Variants in CEP83 observed in about 807,000 individuals in gnomAD.
The protein encoded by CEP83 is centrosomal protein of 83 kDa.
CEP83 carries 70 observed loss-of-function variants against 101.9 expected under a neutral mutation model. The ratio of observed to expected loss-of-function variants is 0.69; its 90% CI spans 0.57 to 0.84. The LOEUF (loss-of-function observed/expected upper bound fraction) is 0.84, where lower values mean the gene tolerates loss of function less well. Ranked by LOEUF, CEP83 falls within the 40% of genes least tolerant of loss-of-function variation. CEP83 has a pLI of 0.00. For synonymous variants in CEP83, 264 were observed against 267.9 expected, an observed-to-expected ratio of 0.99 and a Z score of 0.14; for missense variants, 715 against 787.2, an observed-to-expected ratio of 0.91 and a Z score of 1.10.
chr12:94,394,566 C>G (rs994206127), intron 6 of CEP83, among the ~76,000 whole-genome samples: 5 of 152,130 alleles, frequency 3.3e-5, no homozygotes, highest in African/African-American at 1.2e-4. Flanking sequence ...TAGGCATGGG[C>G]AAGGACTTCA....
intron 11 of CEP83, among the ~76,000 whole-genome samples, chr12:94,348,281 G>C (rs1007059316): frequency 6.6e-6 from 1 of 152,054 alleles, no homozygotes; most frequent in Non-Finnish European, 1.5e-5. Context: ...GCCGTCAGAA[G>C]TTGACAATGA....
At chr12:94,283,538 T>A in the CEP83 span, among the ~76,000 whole-genome samples, 1 of 152,200 alleles carries the variant, frequency 6.6e-6, no homozygotes, top group Non-Finnish European at 1.5e-5. Context: ...ATAAAGTAAT[T>A]TGGCTGTACG....
At chr12:94,326,264 A>G (rs188132393) in intron 14 of CEP83, among the ~76,000 whole-genome samples, 31 of 152,230 alleles carry the variant, frequency 2.0e-4, no homozygotes, top group African/African-American at 7.5e-4. Flanking sequence ...CATTTCTCCC[A>G]TTTGGCTATT....
At chr12:94,381,210 GC>G (rs2061832578) in intron 6 of CEP83, among the ~76,000 whole-genome samples, 1 of 152,128 alleles carries the variant, frequency 6.6e-6, no homozygotes, top group East Asian at 1.9e-4. Flanking sequence ...CTTGGATACA[GC>G]CTCAGCTCTT....
chr12:94,291,809 A>G, the CEP83 span, among the ~76,000 whole-genome samples: 1 of 152,154 alleles, frequency 6.6e-6, no homozygotes, highest in South Asian at 2.1e-4. Context: ...GGTTTGCTAC[A>G]AGGGTATACT....
chr12:94,437,996 C>G (rs961178382), intron 1 of CEP83, among the ~76,000 whole-genome samples: 1 of 152,092 alleles, frequency 6.6e-6, no homozygotes, highest in South Asian at 2.1e-4. Context: ...GTGGGCAGAT[C>G]ACCTGAGGTC....
rs566955475 is a variant in CEP83, at chr12:94,332,611, C to G, written c.1578-782G>C. Among the ~76,000 whole-genome samples, 8 of 152,194 alleles carry G rather than the reference C, an allele frequency of 5.3e-5. 1 individual carries two copies. The South Asian group carries it at 1.7e-3, about 32-fold the overall frequency. ...TTAGAATTATTAAGCTCATTTCAATCAAACACTTGAGAAATCCAAGCACAT... is the reference window on the plus strand; with the variant it reads ...TTAGAATTATTAAGCTCATTTCAATGAAACACTTGAGAAATCCAAGCACAT... On this transcript the variant is annotated intron_variant, in intron 13 of 16. Transcript: ENST00000397809.
At position 94,368,174 on chromosome 12, in the gene CEP83, T is replaced by C; in HGVS notation, c.1076A>G (p.Lys359Arg). The C allele has an allele frequency of 6.2e-7, 1 of 1,612,822 alleles. No individual in the cohort carries two copies. Among genetic ancestry groups the C allele is most frequent in the Non-Finnish European group, 8.5e-7 (1 of 1,179,438 alleles). Residue 359 changes from lysine (K) to arginine (R), a missense_variant, in exon 10 of 17, where the codon AAA becomes AGA. Coordinates refer to ENST00000397809, the MANE Select transcript of CEP83 (RefSeq NM_016122.3). ...DGLQSDNEILKAAVEHHKVLL... is the reference protein window; with the variant it reads ...DGLQSDNEILRAAVEHHKVLL... ...CACTTTGTGATGTTCAACAGCTGCT[T>C]TGAGAATTTCATTGTCTGACTGTAA...
chr12:94,427,029 A>G (rs1056482814), intron 2 of CEP83, among the ~76,000 whole-genome samples: 2 of 152,248 alleles, frequency 1.3e-5, no homozygotes, highest in African/African-American at 4.8e-5. Flanking sequence ...TTGTAACAGC[A>G]GCCACAAGTA....
chr12:94,290,247 G>C, the CEP83 span, among the ~76,000 whole-genome samples: 1 of 152,200 alleles, frequency 6.6e-6, no homozygotes. Context: ...CTCTTCGTGG[G>C]GAGGAATTTT....
chr12:94,428,186 T>C, intron 2 of CEP83, among the ~76,000 whole-genome samples: 1 of 152,210 alleles, frequency 6.6e-6, no homozygotes, highest in South Asian at 2.1e-4. Flanking sequence ...CAACCTCAAA[T>C]GCTTAGTGTA....
At chr12:94,279,950 C>T in the CEP83 span, 1 of 488,976 alleles carries the variant, frequency 2.0e-6, no homozygotes, top group Non-Finnish European at 3.8e-6. Context: ...ACGGAATCAC[C>T]TTGCATCATG....
chr12:94,437,213 G>C (rs1184130167), intron 1 of CEP83, among the ~76,000 whole-genome samples: 1 of 152,058 alleles, frequency 6.6e-6, no homozygotes, highest in Non-Finnish European at 1.5e-5. Flanking sequence ...AGGCATGGTG[G>C]TGTGGGCCTG....
chr12:94,354,956 C>T (rs1413435358), intron 11 of CEP83, among the ~76,000 whole-genome samples: 1 of 151,972 alleles, frequency 6.6e-6, no homozygotes, highest in South Asian at 2.1e-4. Context: ...TAGCTGAGAT[C>T]GTGCCACTGC....
intron 14 of CEP83, among the ~76,000 whole-genome samples, chr12:94,316,130 C>T (rs1217167540): frequency 2.0e-5 from 3 of 152,118 alleles, no homozygotes; most frequent in Non-Finnish European, 4.4e-5. Flanking sequence ...AAGTCATGAA[C>T]ATGGTACAGT....
At chr12:94,288,449 C>T in the CEP83 span, among the ~76,000 whole-genome samples, 2 of 152,200 alleles carry the variant, frequency 1.3e-5, no homozygotes, top group African/African-American at 4.8e-5. Flanking sequence ...TCAGGGCTAT[C>T]ACTAATAGGC....
At position 94,447,439 on chromosome 12, in the gene CEP83, T is replaced by A. The variant is rs192906596; in HGVS notation, c.-154-12112A>T. On this transcript the variant is annotated intron_variant, in intron 1 of 16. Transcript: ENST00000397809. The stretch of plus-strand genomic sequence containing the variant: ...AGGATTGCTTGAACTGGGTAAGCGG[T>A]GGCTGCAGTGAGCCAAGATCGCACT... 5.6e-4 allele frequency among the ~76,000 whole-genome samples: 85 copies of A among 152,158 alleles called. No homozygotes were observed. The East Asian group carries it at 0.014, about 25-fold the overall frequency.
At position 94,403,253 on chromosome 12, in the gene CEP83, G is replaced by A. The variant is rs761318598; in HGVS notation, c.334C>T (p.Pro112Ser). 2 of 1,449,448 alleles carry A rather than the reference G, an allele frequency of 1.4e-6. No homozygotes were observed. The highest frequency in any genetic ancestry group is 9.7e-7 in the Non-Finnish European group (1 of 1,032,726). 89.8% of individuals were successfully genotyped at this position (1,449,448 alleles called of 1,614,324 possible). Residue 112 changes from proline (P) to serine (S), a missense_variant, in exon 5 of 17, where the codon CCA (proline) becomes TCA (serine). Transcript: ENST00000397809. ...LEEMKLQILT[P>S]QKLELLRAQI... ...GCTCTTAGCAATTCCAATTTTTGTG[G>A]AGTTAATATCTAATATGTAGAGAAA...
At chr12:94,457,161 CA>C (rs757611232) in intron 1 of CEP83, among the ~76,000 whole-genome samples, 1 of 151,970 alleles carries the variant, frequency 6.6e-6, no homozygotes, top group African/African-American at 2.4e-5. Flanking sequence ...GTGAAGAAAC[CA>C]ATCTGGGCAG....
Sources: gnomAD v4.1 joint callset for allele counts (sites outside exome capture counted in the v4.1 genomes callset) on GRCh38, gnomAD v4.1.1 for gene constraint, MANE v1.5 for transcripts, NCBI Gene and HGNC (gene_info 2026-07-23, HGNC 2026-07-21) for gene names.